The following HMGN3 variants were observed in gnomAD, a reference collection of about 807,000 sequenced individuals.
The protein encoded by HMGN3 is high mobility group nucleosomal binding domain 3.
HMGN3 carries 6 observed loss-of-function variants against 18.8 expected under a neutral mutation model. That is an observed-to-expected ratio of 0.32 (90% CI 0.18 to 0.63). The LOEUF (loss-of-function observed/expected upper bound fraction) is 0.63. Ranked by LOEUF, HMGN3 falls within the 30% of genes least tolerant of loss-of-function variation. The probability of loss-of-function intolerance (pLI) is 0.79; values close to 1 mark genes in which losing one functional copy is unlikely to be tolerated. For synonymous variants in HMGN3, 40 were observed against 36.5 expected (o/e 1.10, Z -0.35); for missense variants, 107 against 114.2 (o/e 0.94, Z 0.29).
intron 1 of HMGN3, among the ~76,000 whole-genome samples, chr6:79,223,355 C>CA (rs1356347694): frequency 6.6e-6 from 1 of 152,108 alleles, no homozygotes; most frequent in Non-Finnish European, 1.5e-5. Context: ...ACTAAATATA[C>CA]AAAAAATTAG....
intron 2 of HMGN3, among the ~76,000 whole-genome samples, chr6:79,213,420 C>A (rs1223036331): frequency 6.6e-6 from 1 of 152,154 alleles, no homozygotes. Flanking sequence ...TTTTGACTGA[C>A]AAATCAATTT....
intron 4 of HMGN3, among the ~76,000 whole-genome samples, 167 bp from the exon 5 acceptor site, chr6:79,202,556 A>C (rs972461360): frequency 5.3e-5 from 8 of 152,168 alleles, no homozygotes; most frequent in Admixed American, 1.3e-4. Flanking sequence ...ACTGAGTTAC[A>C]CTGCACAAAT....
chr6:79,234,670 G>C, exon 1 of HMGN3: 2 of 1,086,288 alleles, frequency 1.8e-6, no homozygotes, highest in Non-Finnish European at 2.8e-6. Context: ...GCACGACGTA[G>C]CCCGGCCTCT....
chr6:79,211,033 AT>A (rs1369096584), intron 2 of HMGN3, among the ~76,000 whole-genome samples: 177 of 131,154 alleles, frequency 1.3e-3, no homozygotes, highest in African/African-American at 1.9e-3. Flanking sequence ...AAAAAAAAAA[AT>A]GCCTAAGCTG....
intron 3 of HMGN3, among the ~76,000 whole-genome samples, chr6:79,207,998 C>T (rs954261970): frequency 2.0e-5 from 3 of 152,276 alleles, no homozygotes; most frequent in Non-Finnish European, 4.4e-5. Flanking sequence ...AGGATGTCCA[C>T]CTCAGAGGCT....
intron 2 of HMGN3, among the ~76,000 whole-genome samples, chr6:79,210,056 T>A (rs1209596213): frequency 6.6e-6 from 1 of 152,008 alleles, no homozygotes; most frequent in Admixed American, 6.6e-5. Flanking sequence ...TGTGTCAGAT[T>A]CTCCATAGGA....
At chr6:79,210,151 A>G (rs1233527452) in intron 2 of HMGN3, among the ~76,000 whole-genome samples, 1 of 152,208 alleles carries the variant, frequency 6.6e-6, no homozygotes, top group Non-Finnish European at 1.5e-5. Flanking sequence ...AAATCCTGCA[A>G]TACCTTTCCC....
At chr6:79,224,374 C>T (rs1156573164) in intron 1 of HMGN3, among the ~76,000 whole-genome samples, 2 of 152,104 alleles carry the variant, frequency 1.3e-5, no homozygotes, top group Admixed American at 6.5e-5. Context: ...AACCTGTAGC[C>T]CTAGCCAAAG....
At chr6:79,219,323 G>A (rs1409382934) in intron 1 of HMGN3, among the ~76,000 whole-genome samples, 3 of 152,136 alleles carry the variant, frequency 2.0e-5, no homozygotes, top group Non-Finnish European at 2.9e-5. Context: ...GAGGAAAACT[G>A]CCAACCTAGA....
intron 1 of HMGN3, among the ~76,000 whole-genome samples, chr6:79,223,004 A>T (rs1417379587): frequency 6.6e-6 from 1 of 152,262 alleles, no homozygotes; most frequent in Non-Finnish European, 1.5e-5. Context: ...AAAAATAAAG[A>T]AAGTTGTGTG....
chr6:79,228,477 A>T (rs1443767822), intron 1 of HMGN3, among the ~76,000 whole-genome samples: 1 of 152,200 alleles, frequency 6.6e-6, no homozygotes, highest in Non-Finnish European at 1.5e-5. Flanking sequence ...TCATATTCAG[A>T]CTGGGAAACT....
In HMGN3 at chr6:79,202,398, G is replaced by C; in HGVS notation, c.148-9C>G. On this transcript the variant is annotated splice_polypyrimidine_tract_variant and intron_variant, in intron 4 of 5. Transcript: ENST00000344726. ...TTTGCTCCAGGTTCTTTCTAACAGA[G>C]GATCAAAGCACAGTGAAAGAGAATG... The C allele has an allele frequency of 2.5e-6, 4 of 1,598,336 alleles. No individual in the cohort carries two copies. The South Asian group carries it at 4.4e-5, about 18-fold the overall frequency.
At chr6:79,202,140 A>G in intron 5 of HMGN3, 1 of 1,563,964 alleles carries the variant, frequency 6.4e-7, no homozygotes, top group Non-Finnish European at 8.6e-7. Context: ...TTAACAGTTG[A>G]GCGAGAGATG....
intron 1 of HMGN3, among the ~76,000 whole-genome samples, chr6:79,227,546 A>T (rs952598140): frequency 6.6e-6 from 1 of 152,236 alleles, no homozygotes; most frequent in Non-Finnish European, 1.5e-5. Context: ...TGATTGTTTT[A>T]CACATATCAG....
At chr6:79,234,672 C>T in exon 1 of HMGN3, 1 of 1,055,768 alleles carries the variant, frequency 9.5e-7, no homozygotes, top group South Asian at 1.4e-5. Flanking sequence ...ACGACGTAGC[C>T]CGGCCTCTTC....
chr6:79,206,109 A>G (rs1776409572), intron 3 of HMGN3, among the ~76,000 whole-genome samples: 1 of 152,212 alleles, frequency 6.6e-6, no homozygotes. Context: ...TAAAAGGGAA[A>G]CAGAGCAGAA....
At chr6:79,211,465 GTT>G (rs58861121) in intron 2 of HMGN3, among the ~76,000 whole-genome samples, 9,899 of 135,362 alleles carry the variant, frequency 0.073, 344 homozygotes, top group South Asian at 0.1. Context: ...AATTTCTCTT[GTT>G]TTTTTTTTTT....
At chr6:79,213,650 C>T (rs987390027) in intron 2 of HMGN3, among the ~76,000 whole-genome samples, 3 of 152,152 alleles carry the variant, frequency 2.0e-5, no homozygotes, top group Admixed American at 2.0e-4. Context: ...CTCTGTCAAA[C>T]AGTGAATGCT....
intron 2 of HMGN3, among the ~76,000 whole-genome samples, chr6:79,214,091 C>CAAA (rs1201839719): frequency 5.3e-5 from 8 of 151,932 alleles, no homozygotes; most frequent in Non-Finnish European, 1.2e-4. Context: ...AATTTTAAAA[C>CAAA]AAAACATCTT....
Sources: allele counts gnomAD v4.1 joint callset (sites outside exome capture counted in the v4.1 genomes callset), GRCh38; gene constraint gnomAD v4.1.1; transcripts MANE v1.5; gene names NCBI Gene and HGNC (gene_info 2026-07-23, HGNC 2026-07-21).